SLFN13: variants seen among roughly 807,000 people sequenced by gnomAD.
SLFN13 encodes the protein schlafen family member 13, also known as schlafen-13.
In SLFN13, 43 loss-of-function variants were observed where a neutral mutation model predicts 50.6. The observed-to-expected ratio is 0.85, with a 90% CI of 0.67 to 1.09. SLFN13 has a LOEUF of 1.09. SLFN13 is among the 50% of genes least tolerant of loss of function. SLFN13 has a pLI of 0.00. For missense variants in SLFN13, 881 were observed against 1,071.1 expected (o/e 0.82, Z 2.48); for synonymous variants, 339 against 386.5 (o/e 0.88, Z 1.44).
In SLFN13 at chr17:35,441,428, G is replaced by A; in HGVS notation, c.1923-62C>T. 1.3e-6 allele frequency: 2 copies of A among 1,571,214 alleles called. 1 individual carries two copies. Among genetic ancestry groups the A allele is most frequent in the Non-Finnish European group, 1.7e-6 (2 of 1,161,224 alleles). On this transcript the variant is annotated intron_variant, in intron 5 of 5. Coordinates refer to ENST00000285013, the MANE Select transcript of SLFN13 (RefSeq NM_144682.6). The stretch of plus-strand genomic sequence containing the variant: ...AAGAAAACAAGGGGAGAAAATGATT[G>A]TATCATGTTCCTCCGAGCACAGTAT...
In SLFN13 at chr17:35,440,370, G is replaced by GAGTC; in HGVS notation, c.*221_*224dup. On this transcript the variant is annotated 3_prime_UTR_variant, in exon 6 of 6. Coordinates refer to ENST00000285013, the MANE Select transcript of SLFN13 (RefSeq NM_144682.6). The stretch of plus-strand genomic sequence containing the variant: ...AAAACCACCATCTTTCTGGCTGCAA[G>GAGTC]AGTCAGGGGTCAGAATGGGGGGCAG... 1 of 587,338 alleles carries GAGTC rather than the reference G, an allele frequency of 1.7e-6. No homozygotes were observed. Among genetic ancestry groups the GAGTC allele is most frequent in the South Asian group, 2.2e-5 (1 of 44,818 alleles). 36.4% of individuals were successfully genotyped at this position (587,338 alleles called of 1,614,324 possible).
intron 3 of SLFN13, among the ~76,000 whole-genome samples, chr17:35,444,330 T>A (rs554961159): frequency 6.6e-6 from 1 of 152,348 alleles, no homozygotes; most frequent in African/African-American, 2.4e-5. Flanking sequence ...TACAAGCTAA[T>A]CACTATTATG....
chr17:35,444,990 G>C lies in SLFN13; in HGVS notation c.691C>G (p.Pro231Ala). ...HIQQYVENII[P>A]EYISAFANTE... Reference sequence around the variant, plus strand: ...TTTGCAAATGCAGAGATGTACTCTGGAATTATATTTTCTACATATTGTTGG... The same window carrying C: ...TTTGCAAATGCAGAGATGTACTCTGCAATTATATTTTCTACATATTGTTGG... Residue 231 changes from proline to alanine, a missense_variant, in exon 3 of 6, where the codon CCA becomes GCA. Physicochemically the swap from Pro to Ala is conservative, Grantham distance 27. This residue lies in a region of SLFN13 where 497 missense variants were observed against 518.3 expected (regional missense o/e 0.96). Coordinates refer to ENST00000285013, the MANE Select transcript of SLFN13 (RefSeq NM_144682.6). 1 of 1,614,056 alleles carries C rather than the reference G, an allele frequency of 6.2e-7. No individual in the cohort carries two copies. Among genetic ancestry groups the C allele is most frequent in the East Asian group, 2.2e-5 (1 of 44,886 alleles).
chr17:35,448,243 T>C (rs1338097279), intron 1 of SLFN13: 1 of 152,182 alleles, frequency 6.6e-6, no homozygotes, highest in African/African-American at 2.4e-5. Context: ...AGTGAGTCAA[T>C]GCCAAGAACC....
At chr17:35,446,091 G>T in intron 2 of SLFN13, 1 of 158,080 alleles carries the variant, frequency 6.3e-6, no homozygotes, top group Non-Finnish European at 1.4e-5. Context: ...CATGGCATGA[G>T]AACATCTAGG....
rs1225492172 is a variant in SLFN13, at chr17:35,438,048, T to C, written c.*2547A>G. ...TGAGCCCAGGAGTTCAGGGCTCTAG[T>C]GAACTATGATCACACCACTACCCTC... is the stretch of plus-strand genomic sequence containing the variant. On this transcript the variant is annotated 3_prime_UTR_variant, in exon 6 of 6. Transcript: ENST00000285013. 6.7e-6 allele frequency: 1 copy of C among 150,252 alleles called. No homozygotes were observed. The highest frequency in any genetic ancestry group is 2.5e-5 in the African/African-American group (1 of 40,680). 9.3% of individuals were successfully genotyped at this position (150,252 alleles called of 1,614,324 possible).
At chr17:35,446,597 A>G (rs1032613781) in intron 2 of SLFN13, 1 of 152,244 alleles carries the variant, frequency 6.6e-6, no homozygotes, top group African/African-American at 2.4e-5. Flanking sequence ...TACAACAAGC[A>G]TTTAAAACTA....
Position 35,436,175 on chromosome 17 carries a change from G to A in SLFN13, c.*4420C>T, listed in dbSNP as rs1912640080. On this transcript the variant is annotated 3_prime_UTR_variant, in exon 6 of 6. Coordinates refer to ENST00000285013, the MANE Select transcript of SLFN13 (RefSeq NM_144682.6). ...AGTTAGGAACTGTTTCCTCTTTCTA[G>A]GAAAGCATTTGAATAAGACTGAAAT... is the stretch of plus-strand genomic sequence containing the variant. 1 of 152,026 alleles carries A rather than the reference G, an allele frequency of 6.6e-6. No individual in the cohort carries two copies. The highest frequency in any genetic ancestry group is 2.4e-5 in the African/African-American group (1 of 41,394). The allele number at this position is 152,026 out of a possible 1,614,324, so 9.4% of individuals were successfully genotyped here.
In SLFN13 at chr17:35,444,653, G is replaced by T. The variant is rs1324001913; in HGVS notation, c.1028C>A (p.Thr343Asn). Reference sequence around the variant, plus strand: ...CATCATTTTCTCTACCCATTCCTCAGTTGTCAAGGGGCGGATGTACTTCTC... The same window carrying T: ...CATCATTTTCTCTACCCATTCCTCATTTGTCAAGGGGCGGATGTACTTCTC... ...VREKYIRPLT[T>N]EEWVEKMMDA... The change falls in exon 3 of 6, where the codon ACT becomes AAT. Residue 343 changes from threonine to asparagine, a missense_variant. Coordinates refer to ENST00000285013, the MANE Select transcript of SLFN13 (RefSeq NM_144682.6). The T allele has an allele frequency of 6.2e-7, 1 of 1,614,048 alleles. No homozygotes were observed. Among genetic ancestry groups the T allele is most frequent in the Non-Finnish European group, 8.5e-7 (1 of 1,180,028 alleles).
Position 35,445,445 on chromosome 17 carries a change from A to G in SLFN13, c.236T>C (p.Leu79Ser). ...AATAAGCTTTCTCAAGGATTCTTCT[A>G]AATCCAGTCCCATCTCTGTGGGACG... ...DERPTEMGLD[L>S]EESLRKLIQY... Residue 79 changes from leucine (L) to serine (S), a missense_variant, in exon 3 of 6, where the codon TTA (leucine) becomes TCA (serine). This residue lies in a region of SLFN13 where 497 missense variants were observed against 518.3 expected (regional missense o/e 0.96). Transcript: ENST00000285013. 6.2e-7 allele frequency: 1 copy of G among 1,614,190 alleles called. No homozygotes were observed. Among genetic ancestry groups the G allele is most frequent in the Non-Finnish European group, 8.5e-7 (1 of 1,180,034 alleles).
chr17:35,444,905 C>T lies in SLFN13; in HGVS notation c.776G>A (p.Cys259Tyr). ...GTCAGGGTCAACCTGTTCTTTGGCA[C>T]ATCCCAGGACTTTCCTACTCTTATC... ...VDDKSRKVLG[C>Y]AKEQVDPDSL... is the part of the protein sequence containing the mutation. The change falls in exon 3 of 6, where the codon TGT becomes TAT. Residue 259 changes from cysteine (C) to tyrosine (Y), a missense_variant. Physicochemically the swap from Cys to Tyr is radical, Grantham distance 194. Around this residue, in one of 5 missense-constraint regions of SLFN13, gnomAD observed 497 missense variants for 518.3 expected, o/e 0.96. Transcript: ENST00000285013. The T allele has an allele frequency of 6.2e-7, 1 of 1,614,240 alleles. No individual in the cohort carries two copies. The highest frequency in any genetic ancestry group is 1.1e-5 in the South Asian group (1 of 91,086).
intron 1 of SLFN13, chr17:35,448,330 C>T (rs1462199727): frequency 6.6e-6 from 1 of 152,270 alleles, no homozygotes; most frequent in African/African-American, 2.4e-5. Context: ...GTTCCGCCCC[C>T]GCGGAAACCG....
Position 35,445,003 on chromosome 17 carries a change from T to C in SLFN13, c.678A>G (p.Val226=), listed in dbSNP as rs1913123604. 6.2e-7 allele frequency: 1 copy of C among 1,614,154 alleles called. No individual in the cohort carries two copies. Among genetic ancestry groups the C allele is most frequent in the Non-Finnish European group, 8.5e-7 (1 of 1,180,014 alleles). The change falls in exon 3 of 6, where the codon GTA becomes GTG. Residue 226 remains valine, a synonymous_variant. Coordinates refer to ENST00000285013, the MANE Select transcript of SLFN13 (RefSeq NM_144682.6). Reference sequence around the variant, plus strand: ...AGATGTACTCTGGAATTATATTTTCTACATATTGTTGGATATGTTTTGTAG... The same window carrying C: ...AGATGTACTCTGGAATTATATTTTCCACATATTGTTGGATATGTTTTGTAG... ...QFSTKHIQQY[V]ENIIPEYISA... is the part of the protein sequence containing the mutation.
intron 5 of SLFN13, 77 bp downstream of exon 5, chr17:35,441,485 CA>C (rs998697772): frequency 6.2e-7 from 1 of 1,600,950 alleles, no homozygotes; most frequent in African/African-American, 1.4e-5. Context: ...ACTCAATTCT[CA>C]AGGAAGAAGG....
At position 35,440,883 on chromosome 17, in the gene SLFN13, C is replaced by G; in HGVS notation, c.2406G>C (p.Arg802Ser). The G allele has an allele frequency of 6.2e-7, 1 of 1,614,102 alleles. No individual in the cohort carries two copies. The highest frequency in any genetic ancestry group is 1.7e-5 in the Admixed American group (1 of 60,032). ...CAGCAACATCCTTTGGAGAATAGCCCCTTTCAAAGAAGCACCTGCAGGTGT... is the reference window on the plus strand; with the variant it reads ...CAGCAACATCCTTTGGAGAATAGCCGCTTTCAAAGAAGCACCTGCAGGTGT... Reference protein sequence around the residue: ...VADTCRCFFERGYSPKDVAVL... With the variant: ...VADTCRCFFESGYSPKDVAVL... The change falls in exon 6 of 6, where the codon AGG (arginine) becomes AGC (serine). Residue 802 changes from arginine (R) to serine (S), a missense_variant. Arg to Ser is a moderately radical substitution (Grantham distance 110). This residue lies in a region of SLFN13 where 322 missense variants were observed against 327.4 expected (regional missense o/e 0.98). Coordinates refer to ENST00000285013, the MANE Select transcript of SLFN13 (RefSeq NM_144682.6).
rs1060879 is a variant in SLFN13, at chr17:35,440,303, G to C, written c.*292C>G. 7.0e-3 allele frequency: 2,504 copies of C among 358,502 alleles called. 58 individuals are homozygous for C. Among genetic ancestry groups the C allele is most frequent in the African/African-American group, 0.048 (2,312 of 48,392 alleles). 22.2% of individuals were successfully genotyped at this position (358,502 alleles called of 1,614,324 possible). ...TTTATGGCTTTTACCCAGAGAGCAAGACACAGGTCTGCATTGTGCAGCACA... is the reference window on the plus strand; with the variant it reads ...TTTATGGCTTTTACCCAGAGAGCAACACACAGGTCTGCATTGTGCAGCACA... On this transcript the variant is annotated 3_prime_UTR_variant, in exon 6 of 6. Transcript: ENST00000285013.
chr17:35,441,661 C>T lies in SLFN13; in HGVS notation c.1824G>A (p.Met608Ile). The T allele has an allele frequency of 1.2e-6, 2 of 1,604,650 alleles. No individual in the cohort carries two copies. Among genetic ancestry groups the T allele is most frequent in the Non-Finnish European group, 1.7e-6 (2 of 1,175,096 alleles). Reference sequence around the variant, plus strand: ...TGATCTTCTCCATGATCTTCATGGCCATGATGGTCTTCCCTGAGCCAGGTA... The same window carrying T: ...TGATCTTCTCCATGATCTTCATGGCTATGATGGTCTTCCCTGAGCCAGGTA... Reference protein sequence around the residue: ...HGLPGSGKTIMAMKIMEKIRN... With the variant: ...HGLPGSGKTIIAMKIMEKIRN... The change falls in exon 5 of 6, where the codon ATG becomes ATA. Residue 608 changes from methionine to isoleucine, a missense_variant. By Grantham distance (10) the Met-to-Ile change is conservative. Around this residue, in one of 5 missense-constraint regions of SLFN13, gnomAD observed 25 missense variants for 64.4 expected, o/e 0.39. Transcript: ENST00000285013.
In SLFN13 at chr17:35,443,860, G is replaced by T; in HGVS notation, c.1127C>A (p.Ser376Ter). Residue 376 changes from serine (S) to a stop codon, truncating the protein, a stop_gained, in exon 4 of 6, where the codon TCA becomes TAA. Transcript: ENST00000285013. LOFTEE classifies it high-confidence loss of function. ...CTTAGAATACACTGGTCTGCAAAGT[G>T]AAGGACTGTCAGATAGACTCAACTG... Reference protein sequence around the residue: ...ESQLSLSDSPSLCRPVYSKKG... With the variant: ...ESQLSLSDSP 1 of 1,613,978 alleles carries T rather than the reference G, an allele frequency of 6.2e-7. No individual in the cohort carries two copies. Among genetic ancestry groups the T allele is most frequent in the Non-Finnish European group, 8.5e-7 (1 of 1,179,844 alleles).
intron 3 of SLFN13, 36 bp downstream of exon 3, chr17:35,444,579 G>A: frequency 2.5e-6 from 4 of 1,572,974 alleles, no homozygotes; most frequent in East Asian, 2.2e-5. Context: ...GGAAGAGGTA[G>A]AAAGGTCAGG....
Sources: gnomAD v4.1 joint callset for allele counts (sites outside exome capture counted in the v4.1 genomes callset) on GRCh38, gnomAD v4.1.1 for gene constraint, gnomAD v4.1.1 regional missense constraint, MANE v1.5 for transcripts, NCBI Gene and HGNC (gene_info 2026-07-23, HGNC 2026-07-21) for gene names.